Variants in ACSM3 observed in about 807,000 individuals in gnomAD.
ACSM3 encodes acyl-CoA synthetase medium chain family member 3.
A neutral mutation model predicts 74.1 loss-of-function variants in ACSM3; 61 were observed. That is an observed-to-expected ratio of 0.82 (90% CI 0.67 to 1.02). The LOEUF is 1.02. Ranked by LOEUF, ACSM3 falls within the 50% of genes least tolerant of loss-of-function variation. The probability of loss-of-function intolerance (pLI) is 0.00; values close to 1 mark genes in which losing one functional copy is unlikely to be tolerated. For synonymous variants in ACSM3, 213 were observed against 241.5 expected (o/e 0.88, Z 1.09); for missense variants, 660 against 697.0 (o/e 0.95, Z 0.60).
chr16:20,781,843 T>C (rs2080360400), intron 7 of ACSM3, 56 bp downstream of exon 7: 1 of 1,367,322 alleles, frequency 7.3e-7, no homozygotes, highest in Non-Finnish European at 1.0e-6. Flanking sequence ...GAGGAAGCTA[T>C]AAAATAAAAG....
intron 1 of ACSM3, among the ~76,000 whole-genome samples, chr16:20,715,482 T>C (rs1487500832): frequency 6.6e-6 from 1 of 152,134 alleles, no homozygotes; most frequent in African/African-American, 2.4e-5. Context: ...CACATGCCTG[T>C]AGTTCCAGCT....
At chr16:20,728,330 C>A in intron 1 of ACSM3, 1 of 907,146 alleles carries the variant, frequency 1.1e-6, no homozygotes, top group Non-Finnish European at 1.7e-6. Context: ...TATTTACAAC[C>A]TGCTTTCATT....
At chr16:20,744,369 A>G (rs1301123135) in intron 1 of ACSM3, among the ~76,000 whole-genome samples, 1 of 152,150 alleles carries the variant, frequency 6.6e-6, no homozygotes, top group Non-Finnish European at 1.5e-5. Flanking sequence ...CAGGTGGCTG[A>G]TTGTTCAAAC....
At chr16:20,705,376 A>G (rs1392164671) in intron 1 of ACSM3, among the ~76,000 whole-genome samples, 1 of 150,648 alleles carries the variant, frequency 6.6e-6, no homozygotes, top group Non-Finnish European at 1.5e-5. Context: ...CCGTCTCAGA[A>G]AAAAAAAAAA....
chr16:20,793,683 G>A (rs187984075), intron 12 of ACSM3, among the ~76,000 whole-genome samples: 7 of 152,268 alleles, frequency 4.6e-5, no homozygotes, highest in Admixed American at 4.6e-4. Flanking sequence ...GATGACAATC[G>A]CTATTTACTG....
chr16:20,712,796 A>G (rs1374907383), intron 1 of ACSM3, among the ~76,000 whole-genome samples: 2 of 151,442 alleles, frequency 1.3e-5, no homozygotes, highest in South Asian at 2.1e-4. Context: ...GCCTGTAATC[A>G]TAGCTACTTG....
At chr16:20,718,944 T>C (rs1031009752) in intron 1 of ACSM3, among the ~76,000 whole-genome samples, 2 of 152,214 alleles carry the variant, frequency 1.3e-5, no homozygotes, top group African/African-American at 4.8e-5. Flanking sequence ...TGTAGAACAG[T>C]GCTTAGCACA....
intron 1 of ACSM3, among the ~76,000 whole-genome samples, chr16:20,724,108 G>C (rs1216084536): frequency 6.6e-6 from 1 of 152,120 alleles, no homozygotes; most frequent in Non-Finnish European, 1.5e-5. Flanking sequence ...TGGCTAGCCA[G>C]TTTTCCCAGC....
intron 1 of ACSM3, among the ~76,000 whole-genome samples, chr16:20,675,215 A>T (rs1305103849): frequency 2.0e-5 from 3 of 152,062 alleles, no homozygotes; most frequent in African/African-American, 7.2e-5. Flanking sequence ...CCGGGACACG[A>T]GAGAGGGTTG....
chr16:20,727,747 C>T (rs7206910), intron 1 of ACSM3, among the ~76,000 whole-genome samples: 93,853 of 152,060 alleles, frequency 0.62, 30,109 homozygotes, highest in Non-Finnish European at 0.72. Context: ...CAGCTCATCT[C>T]TCCAACTGTG....
At chr16:20,796,259 C>T in intron 12 of ACSM3, 111 bp from the exon 13 acceptor site, 1 of 1,479,626 alleles carries the variant, frequency 6.8e-7, no homozygotes, top group Non-Finnish European at 9.0e-7. Context: ...TTTATTAAAA[C>T]ACACTGGCCC....
In ACSM3 at chr16:20,785,047, T is replaced by C. The variant is rs201962964; in HGVS notation, c.1083T>C (p.Thr361=). 1.5e-5 allele frequency: 25 copies of C among 1,613,696 alleles called. No individual in the cohort carries two copies. The East Asian group carries it at 5.1e-4, about 33-fold the overall frequency. Residue 361 remains threonine, a synonymous_variant, in exon 8 of 14, where the codon ACT becomes ACC. Coordinates refer to ENST00000289416, the MANE Select transcript of ACSM3 (RefSeq NM_005622.4). ...GGGAACCAATTACCCCTGACGTGAC[T>C]GAAAAATGGAGAAACAAGACGGGCC... is the stretch of plus-strand genomic sequence containing the variant. The part of the protein sequence containing the change: ...SAGEPITPDV[T]EKWRNKTGLD...
intron 9 of ACSM3, among the ~76,000 whole-genome samples, chr16:20,789,741 C>T (rs1429792845): frequency 3.2e-5 from 4 of 126,684 alleles, no homozygotes; most frequent in African/African-American, 1.2e-4. Context: ...CTGGAGTGAT[C>T]TCGGCTCACT....
At chr16:20,750,844 GTTTTTT>G (rs59655300) in intron 2 of ACSM3, among the ~76,000 whole-genome samples, 1 of 115,350 alleles carries the variant, frequency 8.7e-6, no homozygotes, top group Admixed American at 1.0e-4. Flanking sequence ...TTGGAGTCAG[GTTTTTT>G]TTTTTTTTTT....
intron 1 of ACSM3, among the ~76,000 whole-genome samples, chr16:20,686,344 TC>T (rs2079553518): frequency 1.3e-5 from 2 of 152,040 alleles, no homozygotes; most frequent in Non-Finnish European, 2.9e-5. Context: ...TGAAATAGCT[TC>T]ATGGGAGGTC....
At position 20,770,262 on chromosome 16, in the gene ACSM3, G is replaced by C. The variant is rs904488325; in HGVS notation, c.219+9G>C. ...GGACTGATAAGGAAAAGGTATGGGG[G>C]GAGGGCCAGTCAGACCACAATTTCT... On this transcript the variant is annotated intron_variant, in intron 2 of 13. Coordinates refer to ENST00000289416, the MANE Select transcript of ACSM3 (RefSeq NM_005622.4). 6.2e-7 allele frequency: 1 copy of C among 1,609,972 alleles called. No homozygotes were observed.
chr16:20,685,833 AAACAAAAAAAAAAC>A lies in ACSM3; in HGVS notation c.-190+11014_-190+11027del, dbSNP rs1277272107. ...AGACTCCGTCTCAAAAAAAAAAAAC[AAACAAAAAAAAAAC>A]AAAAAACTTATAGCATCAGGAGAGG... On this transcript the variant is annotated intron_variant, in intron 1 of 3. Coordinates refer to the ACSM3 transcript ENST00000561584. Among the ~76,000 whole-genome samples the A allele has an allele frequency of 2.3e-4, 19 of 80,930 alleles. 4 individuals carry two copies. The highest frequency in any genetic ancestry group is 3.1e-4 in the Non-Finnish European group (12 of 39,242). 53.1% of individuals were successfully genotyped at this position (80,930 alleles called of 152,430 possible). A position where few individuals can be genotyped will look rare whatever the true frequency, so the allele number is the denominator to read the frequency against.
At chr16:20,749,833 A>C (rs2079976131) in intron 1 of ACSM3, 3 of 152,280 alleles carry the variant, frequency 2.0e-5, no homozygotes, top group Non-Finnish European at 4.4e-5. Flanking sequence ...CGCCCTCAAC[A>C]ATGGAGGCTC....
chr16:20,692,105 C>T (rs1329466263), intron 1 of ACSM3, among the ~76,000 whole-genome samples: 1 of 152,138 alleles, frequency 6.6e-6, no homozygotes, highest in Non-Finnish European at 1.5e-5. Flanking sequence ...TATAAAGATA[C>T]TGAAAAATAT....
Sources: allele counts gnomAD v4.1 joint callset (sites outside exome capture counted in the v4.1 genomes callset), GRCh38; gene constraint gnomAD v4.1.1; transcripts MANE v1.5; gene names NCBI Gene and HGNC (gene_info 2026-07-23, HGNC 2026-07-21).